The following FAM149B1 variants were observed in gnomAD, a reference collection of about 807,000 sequenced individuals.
FAM149B1 encodes the protein family with sequence similarity 149 member B1.
Under a neutral mutation model 75.3 loss-of-function variants are expected in FAM149B1, and 56 were observed. That is an observed-to-expected ratio of 0.74 (90% CI 0.60 to 0.93). The LOEUF (loss-of-function observed/expected upper bound fraction) is 0.93. Among genes scored for constraint, FAM149B1 ranks in the 40% least tolerant of loss-of-function variants. The pLI is 0.00. For missense variants in FAM149B1, 639 were observed against 708.4 expected, an observed-to-expected ratio of 0.90 and a Z score of 1.11; for synonymous variants, 259 against 256.1, an observed-to-expected ratio of 1.01 and a Z score of -0.11.
At chr10:73,230,042 A>G (rs1239414436) in intron 8 of FAM149B1, among the ~76,000 whole-genome samples, 1 of 152,186 alleles carries the variant, frequency 6.6e-6, no homozygotes, top group Non-Finnish European at 1.5e-5. Context: ...GTGATGATGA[A>G]AGAGATTAAG....
At chr10:73,220,955 A>G (rs2043399813) in intron 7 of FAM149B1, among the ~76,000 whole-genome samples, 1 of 152,260 alleles carries the variant, frequency 6.6e-6, no homozygotes, top group African/African-American at 2.4e-5. Flanking sequence ...ACAAAGAGGA[A>G]TTAAGTACTG....
intron 12 of FAM149B1, among the ~76,000 whole-genome samples, chr10:73,236,722 TTTC>T (rs1162128903): frequency 1.3e-5 from 2 of 148,246 alleles, no homozygotes; most frequent in East Asian, 4.3e-4. Context: ...TTTTTTTTCT[TTTC>T]TTTTTTTTTT....
intron 9 of FAM149B1, 22 bp downstream of exon 9, chr10:73,230,547 G>C: frequency 7.8e-7 from 1 of 1,278,050 alleles, no homozygotes; most frequent in Non-Finnish European, 1.1e-6. Flanking sequence ...AACATTTTCA[G>C]ACTATACAGT....
In FAM149B1 at chr10:73,243,485, T is replaced by C. The variant is rs775044935; in HGVS notation, c.*2466T>C. ...CTTTGCTTCCATCTGAGCCAGAAAA[T>C]TGTCCATTTCCTTTTGCCGATCCTT... On this transcript the variant is annotated 3_prime_UTR_variant, in exon 14 of 14. Transcript: ENST00000242505. 2.5e-6 allele frequency: 4 copies of C among 1,614,158 alleles called. No homozygotes were observed. The highest frequency in any genetic ancestry group is 1.7e-5 in the Admixed American group (1 of 60,024).
At chr10:73,223,811 G>T (rs986699543) in intron 7 of FAM149B1, among the ~76,000 whole-genome samples, 14 of 151,764 alleles carry the variant, frequency 9.2e-5, no homozygotes, top group Non-Finnish European at 1.8e-4. Flanking sequence ...ATTATATGAG[G>T]TTAATTTTTT....
rs1314656553 is a variant in FAM149B1, at chr10:73,175,476, T to C, written c.152+685T>C. Among the ~76,000 whole-genome samples, 3 of 152,116 alleles carry C rather than the reference T, an allele frequency of 2.0e-5. No individual in the cohort carries two copies. In the East Asian group the frequency reaches 5.8e-4, roughly 29 times the overall value. On this transcript the variant is annotated intron_variant, in intron 2 of 13. Coordinates refer to ENST00000242505, the MANE Select transcript of FAM149B1 (RefSeq NM_173348.2). ...CGAGGTCAGGAGATCGAAACCATCC[T>C]GGCTAACACGGTGAAACCCCGTCTC... is the stretch of plus-strand genomic sequence containing the variant.
intron 7 of FAM149B1, among the ~76,000 whole-genome samples, chr10:73,219,948 C>T (rs1280495372): frequency 6.6e-6 from 1 of 150,794 alleles, no homozygotes; most frequent in Non-Finnish European, 1.5e-5. Flanking sequence ...AAGACATTAT[C>T]AAGGAAGCGA....
chr10:73,179,474 G>A (rs2042345667), intron 3 of FAM149B1, among the ~76,000 whole-genome samples: 1 of 151,642 alleles, frequency 6.6e-6, no homozygotes. Flanking sequence ...GGAGTGCTGT[G>A]GCAATCATAG....
chr10:73,196,272 A>G (rs2042802458), intron 5 of FAM149B1, among the ~76,000 whole-genome samples: 1 of 152,048 alleles, frequency 6.6e-6, no homozygotes, highest in African/African-American at 2.4e-5. Flanking sequence ...TAAAGAACCA[A>G]GTTGGGTGGT....
intron 1 of FAM149B1, among the ~76,000 whole-genome samples, chr10:73,173,564 A>G (rs1315103744): frequency 1.3e-5 from 2 of 152,236 alleles, no homozygotes; most frequent in African/African-American, 4.8e-5. Flanking sequence ...GTACCATTAT[A>G]TAAATGGCCC....
intron 7 of FAM149B1, among the ~76,000 whole-genome samples, chr10:73,219,838 T>C (rs1027734402): frequency 2.6e-5 from 4 of 152,046 alleles, no homozygotes; most frequent in African/African-American, 9.7e-5. Flanking sequence ...TTCATGACCT[T>C]GGATTTGACA....
intron 12 of FAM149B1, 39 bp from the exon 13 acceptor site, chr10:73,239,273 A>T: frequency 6.9e-7 from 1 of 1,450,008 alleles, no homozygotes; most frequent in Non-Finnish European, 9.5e-7. Flanking sequence ...CTTTGTGAGA[A>T]GATGCATCAT....
At chr10:73,231,969 A>C (rs1267364359) in intron 9 of FAM149B1, among the ~76,000 whole-genome samples, 1 of 151,558 alleles carries the variant, frequency 6.6e-6, no homozygotes, top group Admixed American at 6.6e-5. Context: ...AGAGGCAGGA[A>C]GACCAGAACA....
At chr10:73,173,572 C>T (rs935966597) in intron 1 of FAM149B1, among the ~76,000 whole-genome samples, 12 of 152,214 alleles carry the variant, frequency 7.9e-5, no homozygotes, top group Non-Finnish European at 1.6e-4. Context: ...ATATAAATGG[C>T]CCTTAAACAA....
chr10:73,240,914 G>A (rs982539412), intron 13 of FAM149B1, 32 bp from the exon 14 acceptor site: 1 of 1,289,112 alleles, frequency 7.8e-7, no homozygotes, highest in East Asian at 2.6e-5. Context: ...AACCTAGACT[G>A]TCTACTAATG....
At chr10:73,224,546 A>G (rs2043492474) in intron 7 of FAM149B1, among the ~76,000 whole-genome samples, 1 of 141,036 alleles carries the variant, frequency 7.1e-6, no homozygotes, top group African/African-American at 2.7e-5. Flanking sequence ...ATCTCGGCTC[A>G]CTGCAAGCTC....
intron 9 of FAM149B1, chr10:73,231,081 CTA>C (rs1235237117): frequency 6.6e-6 from 1 of 152,662 alleles, no homozygotes; most frequent in African/African-American, 2.4e-5. Flanking sequence ...AAAGAAGTGA[CTA>C]TGGAACTAAT....
Position 73,200,104 on chromosome 10 carries a change from A to G in FAM149B1, c.542+6511A>G, listed in dbSNP as rs567574043. Reference sequence around the variant, plus strand: ...AGCACTTTGGGAGGCCGAGGCGGGTAGATTACCTGAGGTCAGGAGTTCGAG... The same window carrying G: ...AGCACTTTGGGAGGCCGAGGCGGGTGGATTACCTGAGGTCAGGAGTTCGAG... On this transcript the variant is annotated intron_variant, in intron 5 of 13. Transcript: ENST00000242505. The G allele has an allele frequency of 5.9e-4, 99 of 167,730 alleles. 3 individuals are homozygous for G. The highest frequency in any genetic ancestry group is 7.9e-4 in the South Asian group (5 of 6,308). The allele number at this position is 167,730 out of a possible 1,614,324, so 10.4% of individuals were successfully genotyped here.
chr10:73,240,711 CT>C (rs1205778123), intron 13 of FAM149B1, among the ~76,000 whole-genome samples: 13 of 148,190 alleles, frequency 8.8e-5, no homozygotes, highest in African/African-American at 2.8e-4. Context: ...GAGACTCCAC[CT>C]CCAAAAAAAA....
Sources: allele counts gnomAD v4.1 joint callset (sites outside exome capture counted in the v4.1 genomes callset), GRCh38; gene constraint gnomAD v4.1.1; transcripts MANE v1.5; gene names NCBI Gene and HGNC (gene_info 2026-07-23, HGNC 2026-07-21).